The following ARHGAP24 variants were observed in gnomAD, a reference collection of about 807,000 sequenced individuals.
ARHGAP24 encodes the protein Rho GTPase activating protein 24.
Under a neutral mutation model 76.4 loss-of-function variants are expected in ARHGAP24, and 50 were observed. The ratio of observed to expected loss-of-function variants is 0.65; its 90% CI spans 0.52 to 0.83. The LOEUF (loss-of-function observed/expected upper bound fraction) is 0.83. ARHGAP24 is among the 40% of genes least tolerant of loss of function. The pLI is 0.00. For missense variants in ARHGAP24, 930 were observed against 914.2 expected (o/e 1.02, Z -0.22); for synonymous variants, 345 against 323.3 (o/e 1.07, Z -0.72).
chr4:85,670,957 G>A (rs546261405), intron 2 of ARHGAP24, among the ~76,000 whole-genome samples: 1 of 152,160 alleles, frequency 6.6e-6, no homozygotes, highest in Non-Finnish European at 1.5e-5. Context: ...CTCTGGGATT[G>A]GGGCCCAAGT....
chr4:85,887,501 C>G (rs1273077629), intron 3 of ARHGAP24, among the ~76,000 whole-genome samples: 1 of 152,116 alleles, frequency 6.6e-6, no homozygotes, highest in East Asian at 1.9e-4. Flanking sequence ...TCTTCCTGCT[C>G]TATGGATTGG....
intron 8 of ARHGAP24, among the ~76,000 whole-genome samples, chr4:85,993,992 G>A (rs550489548): frequency 2.5e-4 from 38 of 152,220 alleles, no homozygotes; most frequent in South Asian, 6.2e-4. Context: ...GGCTGATGTC[G>A]CTTAAAATGC....
intron 2 of ARHGAP24, among the ~76,000 whole-genome samples, chr4:85,720,982 A>G (rs1479309647): frequency 6.6e-6 from 1 of 152,198 alleles, no homozygotes. Context: ...TTCAGTATAG[A>G]CAGTAGGCAA....
chr4:85,535,988 G>A (rs1353535446), intron 1 of ARHGAP24, among the ~76,000 whole-genome samples: 1 of 152,028 alleles, frequency 6.6e-6, no homozygotes, highest in Non-Finnish European at 1.5e-5. Flanking sequence ...TATTGTGACA[G>A]GTATACCATG....
chr4:85,721,007 T>G (rs1160249067), intron 2 of ARHGAP24, among the ~76,000 whole-genome samples: 1 of 152,030 alleles, frequency 6.6e-6, no homozygotes, highest in Non-Finnish European at 1.5e-5. Flanking sequence ...AAAAATAGAA[T>G]AGCGGGAAGT....
intron 3 of ARHGAP24, among the ~76,000 whole-genome samples, chr4:85,793,981 G>T (rs185737124): frequency 1.4e-4 from 22 of 152,324 alleles, no homozygotes; most frequent in Admixed American, 1.1e-3. Flanking sequence ...CAGTGACTAA[G>T]AAGAGTTGTC....
intron 3 of ARHGAP24, among the ~76,000 whole-genome samples, chr4:85,760,235 G>T (rs568016556): frequency 1.3e-5 from 2 of 152,158 alleles, no homozygotes; most frequent in East Asian, 3.9e-4. Flanking sequence ...AACTGGTTCA[G>T]GATTACATTA....
At chr4:85,585,154 T>G (rs1182529760) in intron 2 of ARHGAP24, among the ~76,000 whole-genome samples, 1 of 152,240 alleles carries the variant, frequency 6.6e-6, no homozygotes, top group African/African-American at 2.4e-5. Context: ...GATCCATCAA[T>G]GCCATGCAAT....
intron 5 of ARHGAP24, among the ~76,000 whole-genome samples, chr4:85,954,307 C>G (rs1737783828): frequency 6.6e-6 from 1 of 152,188 alleles, no homozygotes; most frequent in African/African-American, 2.4e-5. Flanking sequence ...TAATCCTCAA[C>G]TTCCTGAAGC....
At chr4:85,610,972 T>C (rs1004652934) in intron 2 of ARHGAP24, among the ~76,000 whole-genome samples, 7 of 152,046 alleles carry the variant, frequency 4.6e-5, no homozygotes, top group African/African-American at 1.2e-4. Flanking sequence ...AAAATCATGA[T>C]CATAATAGAA....
At chr4:85,661,764 G>A (rs1560574092) in intron 2 of ARHGAP24, among the ~76,000 whole-genome samples, 2 of 151,664 alleles carry the variant, frequency 1.3e-5, no homozygotes, top group Non-Finnish European at 2.9e-5. Context: ...GAGAGCATGC[G>A]GTGTTTGGTT....
intron 3 of ARHGAP24, among the ~76,000 whole-genome samples, chr4:85,904,381 T>C (rs910623747): frequency 4.6e-5 from 7 of 152,288 alleles, no homozygotes; most frequent in African/African-American, 1.7e-4. Flanking sequence ...CTCACTATCA[T>C]GGAAACAGCA....
intron 3 of ARHGAP24, among the ~76,000 whole-genome samples, chr4:85,762,994 T>C (rs1399738565): frequency 6.6e-6 from 1 of 152,212 alleles, no homozygotes; most frequent in Non-Finnish European, 1.5e-5. Context: ...TTTTGGACTA[T>C]TGATTTTCCT....
intron 2 of ARHGAP24, among the ~76,000 whole-genome samples, chr4:85,579,102 G>A (rs187456851): frequency 5.1e-4 from 77 of 152,210 alleles, no homozygotes; most frequent in African/African-American, 1.7e-3. Context: ...AAGGAGACTT[G>A]AAGAATTCTC....
intron 2 of ARHGAP24, among the ~76,000 whole-genome samples, chr4:85,581,301 A>G (rs1398684886): frequency 1.3e-5 from 2 of 152,164 alleles, no homozygotes; most frequent in Non-Finnish European, 2.9e-5. Flanking sequence ...AGAAAAGATT[A>G]ATAGAATCAA....
chr4:85,541,142 C>CTTTTTTTTTTTTTTTTT (rs70948733), intron 1 of ARHGAP24, among the ~76,000 whole-genome samples: 6 of 49,770 alleles, frequency 1.2e-4, no homozygotes, highest in African/African-American at 3.2e-4. Flanking sequence ...CATCCATGAC[C>CTTTTTTTTTTTTTTTTT]TTTTTTTTTT....
At chr4:85,698,879 T>A (rs1723967508) in intron 2 of ARHGAP24, among the ~76,000 whole-genome samples, 1 of 152,174 alleles carries the variant, frequency 6.6e-6, no homozygotes, top group Admixed American at 6.5e-5. Flanking sequence ...GGTAGGTCCC[T>A]CATAGCCGGT....
At chr4:85,840,460 A>G (rs1008092441) in intron 3 of ARHGAP24, among the ~76,000 whole-genome samples, 8 of 152,156 alleles carry the variant, frequency 5.3e-5, no homozygotes, top group African/African-American at 9.7e-5. Flanking sequence ...CTGATGAACC[A>G]TGTGGTCTTA....
intron 3 of ARHGAP24, among the ~76,000 whole-genome samples, chr4:85,791,819 G>A (rs1026635532): frequency 6.6e-6 from 1 of 152,100 alleles, no homozygotes; most frequent in Non-Finnish European, 1.5e-5. Context: ...ATGCGGACAT[G>A]GAGGCAAAAA....
Sources: gnomAD v4.1 joint callset for allele counts (sites outside exome capture counted in the v4.1 genomes callset) on GRCh38, gnomAD v4.1.1 for gene constraint, MANE v1.5 for transcripts, NCBI Gene and HGNC (gene_info 2026-07-23, HGNC 2026-07-21) for gene names.